Variants in HELZ observed in about 807,000 individuals in gnomAD.
HELZ encodes the protein helicase with zinc finger, also known as ATP-dependent RNA helicase with zinc finger domain.
A neutral mutation model predicts 218.2 loss-of-function variants in HELZ; 23 were observed. The ratio of observed to expected loss-of-function variants is 0.11; its 90% CI spans 0.08 to 0.15. HELZ has a LOEUF of 0.15. Ranked by LOEUF, HELZ falls within the 10% of genes least tolerant of loss-of-function variation. The pLI is 1.00. For synonymous variants in HELZ, 814 were observed against 829.4 expected (o/e 0.98, Z 0.32); for missense variants, 1,813 against 2,353.7 (o/e 0.77, Z 4.75).
At chr17:67,237,367 C>T (rs920801569) in intron 3 of HELZ, among the ~76,000 whole-genome samples, 3 of 152,212 alleles carry the variant, frequency 2.0e-5, no homozygotes, top group Admixed American at 2.0e-4. Context: ...TTTAACCAAT[C>T]AGCAAGTAGT....
intron 3 of HELZ, among the ~76,000 whole-genome samples, chr17:67,223,157 G>A (rs1450142309): frequency 6.6e-6 from 1 of 151,992 alleles, no homozygotes; most frequent in Non-Finnish European, 1.5e-5. Flanking sequence ...CTACTCGGGA[G>A]GCTGAGGAAG....
intron 32 of HELZ, among the ~76,000 whole-genome samples, chr17:67,084,481 T>C (rs2036294496): frequency 6.6e-6 from 1 of 151,458 alleles, no homozygotes; most frequent in South Asian, 2.1e-4. Flanking sequence ...GCTAACACAG[T>C]GAAACCCCGT....
chr17:67,152,782 A>AC (rs1244957305), intron 17 of HELZ, among the ~76,000 whole-genome samples: 7 of 151,630 alleles, frequency 4.6e-5, no homozygotes, highest in African/African-American at 1.7e-4. Context: ...AAAAAAAAAA[A>AC]AAACAACTAG....
intron 21 of HELZ, 83 bp downstream of exon 21, chr17:67,145,660 C>T (rs2038471199): frequency 5.3e-6 from 6 of 1,137,126 alleles, no homozygotes; most frequent in East Asian, 4.7e-5. Flanking sequence ...ACAATGTCAA[C>T]CCAAAACTTT....
At chr17:67,173,763 G>C (rs1196140860) in intron 13 of HELZ, among the ~76,000 whole-genome samples, 2 of 151,634 alleles carry the variant, frequency 1.3e-5, no homozygotes, top group East Asian at 3.9e-4. Context: ...ATCTAACGAT[G>C]AAATGTGCAC....
chr17:67,208,518 C>A lies in HELZ; in HGVS notation c.248-5075G>T, dbSNP rs193268320. Among the ~76,000 whole-genome samples the A allele has an allele frequency of 1.4e-4, 21 of 151,978 alleles. No homozygotes were observed. The East Asian group carries it at 2.9e-3, about 21-fold the overall frequency. On this transcript the variant is annotated intron_variant, in intron 5 of 32. Coordinates refer to ENST00000358691, the MANE Select transcript of HELZ (RefSeq NM_014877.4). ...TATTATCTTTGCCACTTCCTGTTAA[C>A]CTATAATTATTTCAGAATAAAGAGT...
intron 13 of HELZ, among the ~76,000 whole-genome samples, chr17:67,172,427 A>T (rs1196006973): frequency 6.6e-6 from 1 of 152,182 alleles, no homozygotes; most frequent in Non-Finnish European, 1.5e-5. Context: ...CATAGAACCT[A>T]ACACCTTCAA....
intron 23 of HELZ, among the ~76,000 whole-genome samples, chr17:67,135,005 T>C (rs956969962): frequency 1.3e-5 from 2 of 151,994 alleles, no homozygotes; most frequent in African/African-American, 4.8e-5. Flanking sequence ...CTAGCACAGT[T>C]CTTCAACACT....
At chr17:67,084,895 GGATCACTTGA>G (rs1425589879) in intron 32 of HELZ, among the ~76,000 whole-genome samples, 1 of 152,094 alleles carries the variant, frequency 6.6e-6, no homozygotes, top group East Asian at 1.9e-4. Context: ...CAAGGCGGAT[GGATCACTTGA>G]GGTCAGCCTG....
At chr17:67,139,159 GT>G (rs1171382673) in intron 21 of HELZ, among the ~76,000 whole-genome samples, 1 of 151,860 alleles carries the variant, frequency 6.6e-6, no homozygotes, top group Non-Finnish European at 1.5e-5. Context: ...AAAACTTGAG[GT>G]TACTGACTAC....
intron 13 of HELZ, among the ~76,000 whole-genome samples, chr17:67,170,067 G>A (rs1277169637): frequency 6.6e-6 from 1 of 152,214 alleles, no homozygotes; most frequent in African/African-American, 2.4e-5. Flanking sequence ...AGGCAGCCTG[G>A]CTTCTTTGGC....
intron 31 of HELZ, among the ~76,000 whole-genome samples, chr17:67,094,930 T>C (rs1294614900): frequency 6.6e-6 from 1 of 152,224 alleles, no homozygotes; most frequent in South Asian, 2.1e-4. Flanking sequence ...AGGGTGGTGG[T>C]TGCTGAAGGC....
At position 67,109,538 on chromosome 17, in the gene HELZ, G is replaced by T. The variant is rs1023078898; in HGVS notation, c.4067C>A (p.Pro1356His). ...LPAPHAQYAI[P>H]NRHFHPLPQL... ...GGGAAGGGGATGAAAGTGGCGATTA[G>T]GGATTGCATACTGTGCGTGGGGAGC... Residue 1356 changes from proline to histidine, a missense_variant, in exon 29 of 33, where the codon CCT (proline) becomes CAT (histidine). Physicochemically the swap from Pro to His is moderately conservative, Grantham distance 77 (BLOSUM62 -2). Coordinates refer to ENST00000358691, the MANE Select transcript of HELZ (RefSeq NM_014877.4). The T allele has an allele frequency of 6.2e-7, 1 of 1,614,162 alleles. No individual in the cohort carries two copies. The highest frequency in any genetic ancestry group is 8.5e-7 in the Non-Finnish European group (1 of 1,180,030).
chr17:67,156,642 A>C (rs1463266300), intron 17 of HELZ, among the ~76,000 whole-genome samples: 2 of 151,836 alleles, frequency 1.3e-5, no homozygotes, highest in East Asian at 3.9e-4. Flanking sequence ...TCCATGACTC[A>C]AGCTTTCTCT....
chr17:67,098,583 A>G (rs922651179), intron 31 of HELZ, among the ~76,000 whole-genome samples: 1 of 151,740 alleles, frequency 6.6e-6, no homozygotes, highest in Admixed American at 6.6e-5. Flanking sequence ...AAAAAAAAAA[A>G]AAAAAGAAAA....
At chr17:67,127,498 T>TTTAGC (rs1384463965) in intron 24 of HELZ, among the ~76,000 whole-genome samples, 9 of 152,298 alleles carry the variant, frequency 5.9e-5, no homozygotes, top group African/African-American at 2.2e-4. Flanking sequence ...TGAATACCTA[T>TTTAGC]TTAGCTAAAA....
chr17:67,205,590 T>G (rs1193638886), intron 5 of HELZ, among the ~76,000 whole-genome samples: 2 of 152,224 alleles, frequency 1.3e-5, no homozygotes, highest in Non-Finnish European at 2.9e-5. Flanking sequence ...TCATTTTTAG[T>G]AACTGGGATA....
chr17:67,087,635 G>A (rs1241396901), intron 31 of HELZ, among the ~76,000 whole-genome samples: 1 of 152,112 alleles, frequency 6.6e-6, no homozygotes, highest in East Asian at 1.9e-4. Context: ...AAGTACTCTT[G>A]ACTGGACTCC....
chr17:67,213,768 T>C (rs1474561877), intron 5 of HELZ, among the ~76,000 whole-genome samples: 3 of 152,042 alleles, frequency 2.0e-5, no homozygotes, highest in African/African-American at 7.2e-5. Context: ...ACCAGAAAAC[T>C]AGAACCACCT....
Sources: gnomAD v4.1 joint callset for allele counts (sites outside exome capture counted in the v4.1 genomes callset) on GRCh38, gnomAD v4.1.1 for gene constraint, MANE v1.5 for transcripts, NCBI Gene and HGNC (gene_info 2026-07-23, HGNC 2026-07-21) for gene names.